PDE4C: variants seen among roughly 807,000 people sequenced by gnomAD.
PDE4C encodes the protein phosphodiesterase 4C, also known as 3',5'-cyclic-AMP phosphodiesterase 4C.
In PDE4C, 50 loss-of-function variants were observed where a neutral mutation model predicts 63.9. That is an observed-to-expected ratio of 0.78 (90% CI 0.62 to 0.99). The LOEUF is 0.99. PDE4C is among the 50% of genes least tolerant of loss of function. The probability of loss-of-function intolerance (pLI) is 0.00; values close to 1 mark genes in which losing one functional copy is unlikely to be tolerated. For synonymous variants in PDE4C, 377 were observed against 385.1 expected, an observed-to-expected ratio of 0.98 and a Z score of 0.25; for missense variants, 777 against 899.1, an observed-to-expected ratio of 0.86 and a Z score of 1.74.
upstream of PDE4C, among the ~76,000 whole-genome samples, chr19:18,230,991 G>A (rs755678576): frequency 2.0e-5 from 3 of 152,212 alleles, no homozygotes; most frequent in African/African-American, 7.2e-5. Flanking sequence ...TCCCCCAACA[G>A]TTTCTAGGGC....
intron 1 of PDE4C, among the ~76,000 whole-genome samples, chr19:18,231,773 C>A (rs1968852836): frequency 6.6e-6 from 1 of 152,088 alleles, no homozygotes; most frequent in Non-Finnish European, 1.5e-5. Context: ...GGCCCTGGAG[C>A]CTCCACCTGG....
chr19:18,221,654 T>C lies in PDE4C; in HGVS notation c.339-357A>G, dbSNP rs368021417. On this transcript the variant is annotated intron_variant, in intron 2 of 14. Transcript: ENST00000262805. Reference sequence around the variant, plus strand: ...TTTGTTTGTTTTCTGAGGCAGACTCTTGCTCTTTCGCCCAGGCTGGAGTGC... The same window carrying C: ...TTTGTTTGTTTTCTGAGGCAGACTCCTGCTCTTTCGCCCAGGCTGGAGTGC... 6.3e-4 allele frequency among the ~76,000 whole-genome samples: 96 copies of C among 152,294 alleles called. 2 individuals carry two copies. The East Asian group carries it at 0.018, about 28-fold the overall frequency.
At chr19:18,242,804 G>A (rs980752978) in intron 1 of PDE4C, among the ~76,000 whole-genome samples, 2 of 123,922 alleles carry the variant, frequency 1.6e-5, no homozygotes, top group Non-Finnish European at 3.4e-5. Context: ...AAAAAAAAAA[G>A]GGAATTGGGA....
chr19:18,216,468 T>G (rs1968199553), intron 12 of PDE4C, among the ~76,000 whole-genome samples: 1 of 151,900 alleles, frequency 6.6e-6, no homozygotes, highest in Non-Finnish European at 1.5e-5. Flanking sequence ...AGAGACGAGG[T>G]TTCACCATGT....
At chr19:18,233,428 G>A in exon 1 of PDE4C, 1 of 699,852 alleles carries the variant, frequency 1.4e-6, no homozygotes, top group Non-Finnish European at 2.6e-6. Flanking sequence ...GGAGAAGAAC[G>A]TGGTGAGGGG....
chr19:18,220,547 AC>A lies in PDE4C; in HGVS notation c.500-33del, dbSNP rs5827400. On this transcript the variant is annotated intron_variant, in intron 5 of 14. Transcript: ENST00000262805. The surrounding 1 kb of genome is among the most constrained non-coding windows in gnomAD (Gnocchi z 5.1). ...GCCGAGGCAGTCAGGGGCCTGCCCA[AC>A]CCCCCCGCTCAGGGACCCCACGCCT... The A allele has an allele frequency of 0.58, 909,043 of 1,554,072 alleles. 274,716 individuals are homozygous for A. The highest frequency in any genetic ancestry group is 0.62 in the Non-Finnish European group (697,986 of 1,130,678).
At chr19:18,243,063 C>T (rs887463053) in intron 1 of PDE4C, among the ~76,000 whole-genome samples, 3 of 152,020 alleles carry the variant, frequency 2.0e-5, no homozygotes, top group Non-Finnish European at 4.4e-5. Context: ...AAAGACAGGC[C>T]ATAGCCACGG....
At chr19:18,247,036 G>C (rs1371011468) in intron 1 of PDE4C, among the ~76,000 whole-genome samples, 1 of 152,236 alleles carries the variant, frequency 6.6e-6, no homozygotes, top group African/African-American at 2.4e-5. Flanking sequence ...TTTCCTCTTG[G>C]CTCAGTTTCC....
chr19:18,215,531 T>C (rs1423424816), intron 12 of PDE4C, among the ~76,000 whole-genome samples: 1 of 152,158 alleles, frequency 6.6e-6, no homozygotes, highest in Non-Finnish European at 1.5e-5. Context: ...TAATTTTTTT[T>C]TTTGAGACAG....
intron 1 of PDE4C, among the ~76,000 whole-genome samples, chr19:18,238,815 A>AC (rs1260987389): frequency 3.3e-5 from 5 of 151,664 alleles, no homozygotes; most frequent in Non-Finnish European, 7.4e-5. Context: ...ACATAGGGAA[A>AC]CCCCATCTCT....
At chr19:18,254,244 G>A in the PDE4C span, among the ~76,000 whole-genome samples, 1 of 152,204 alleles carries the variant, frequency 6.6e-6, no homozygotes, top group Non-Finnish European at 1.5e-5. Flanking sequence ...CTGCTGAAAT[G>A]AAGATGATTC....
chr19:18,239,610 C>T (rs1969006314), intron 1 of PDE4C, among the ~76,000 whole-genome samples: 2 of 152,124 alleles, frequency 1.3e-5, no homozygotes, highest in Admixed American at 1.3e-4. Flanking sequence ...TGGGGTAAGG[C>T]GATCAGTGAA....
intron 4 of PDE4C, 53 bp downstream of exon 4, chr19:18,221,052 G>GCCAGGGCCCCCCCCCCCCCCC: frequency 2.2e-5 from 28 of 1,245,222 alleles, no homozygotes; most frequent in African/African-American, 2.9e-5. Flanking sequence ...CCCGCTTTCC[G>GCCAGGGCCCCCCCCCCCCCCC]CCCACCTTGT....
upstream of PDE4C, among the ~76,000 whole-genome samples, chr19:18,237,891 A>AAC (rs1568267063): frequency 2.8e-5 from 4 of 141,606 alleles, no homozygotes; most frequent in Non-Finnish European, 4.5e-5. Flanking sequence ...AAAAAAAAAA[A>AAC]AAGTGCCTGG....
At chr19:18,244,636 C>A (rs1395311185) in intron 1 of PDE4C, among the ~76,000 whole-genome samples, 1 of 152,050 alleles carries the variant, frequency 6.6e-6, no homozygotes, top group African/African-American at 2.4e-5. Flanking sequence ...CCTCAGCCTC[C>A]CGAGTAGCTG....
At chr19:18,248,485 G>A (rs187205875), upstream of PDE4C, among the ~76,000 whole-genome samples, 20 of 152,084 alleles carry the variant, frequency 1.3e-4, no homozygotes, top group African/African-American at 4.8e-4. Flanking sequence ...AGGCGTAGGA[G>A]TGAGGAGGCT....
upstream of PDE4C, among the ~76,000 whole-genome samples, chr19:18,251,669 G>T (rs1403851771): frequency 3.3e-5 from 4 of 120,370 alleles, no homozygotes; most frequent in Non-Finnish European, 5.3e-5. Flanking sequence ...TCTTGACCTC[G>T]TGATACACGC....
At chr19:18,215,831 CTTT>C (rs756197005) in intron 12 of PDE4C, among the ~76,000 whole-genome samples, 7 of 127,774 alleles carry the variant, frequency 5.5e-5, no homozygotes, top group Admixed American at 8.3e-5. Flanking sequence ...TTTTTCTTTT[CTTT>C]TTTTTTTTTT....
chr19:18,230,853 G>A (rs1237257258), upstream of PDE4C, among the ~76,000 whole-genome samples: 1 of 152,174 alleles, frequency 6.6e-6, no homozygotes, highest in Admixed American at 6.5e-5. Context: ...AGGGGACACA[G>A]CTTCTTATCC....
Sources: allele counts gnomAD v4.1 joint callset (sites outside exome capture counted in the v4.1 genomes callset), GRCh38; gene constraint gnomAD v4.1.1; non-coding constraint Gnocchi (gnomAD v3.1); transcripts MANE v1.5; gene names NCBI Gene and HGNC (gene_info 2026-07-23, HGNC 2026-07-21).